Variants in CEP83 observed in about 807,000 individuals in gnomAD.
CEP83 encodes the protein centrosomal protein 83, also known as centrosomal protein of 83 kDa.
Under a neutral mutation model 101.9 loss-of-function variants are expected in CEP83, and 70 were observed. That is an observed-to-expected ratio of 0.69 (90% CI 0.57 to 0.84). The LOEUF (loss-of-function observed/expected upper bound fraction) is 0.84. Ranked by LOEUF, CEP83 falls within the 40% of genes least tolerant of loss-of-function variation. The pLI is 0.00. For synonymous variants in CEP83, 264 were observed against 267.9 expected, an observed-to-expected ratio of 0.99 and a Z score of 0.14; for missense variants, 715 against 787.2, an observed-to-expected ratio of 0.91 and a Z score of 1.10.
At chr12:94,451,598 A>G (rs1271793931) in intron 1 of CEP83, among the ~76,000 whole-genome samples, 2 of 152,250 alleles carry the variant, frequency 1.3e-5, no homozygotes, top group East Asian at 1.9e-4. Context: ...TAAAATTACA[A>G]TGGGATACTA....
the CEP83 span, among the ~76,000 whole-genome samples, chr12:94,272,801 C>T: frequency 1.3e-5 from 2 of 152,178 alleles, no homozygotes; most frequent in African/African-American, 2.4e-5. Flanking sequence ...TGGGTGGCAC[C>T]GGAGGCACAG....
In CEP83 at chr12:94,308,402, G is replaced by A. The variant is rs1969301533; in HGVS notation, c.*411C>T. 6.6e-6 allele frequency: 1 copy of A among 152,466 alleles called. No individual in the cohort carries two copies. The allele number at this position is 152,466 out of a possible 1,614,324, so 9.4% of individuals were successfully genotyped here. A position where few individuals can be genotyped will look rare whatever the true frequency, so the allele number is the denominator to read the frequency against. On this transcript the variant is annotated 3_prime_UTR_variant, in exon 17 of 17. Transcript: ENST00000397809. ...AAATTGTCATCTTTTTTCAACTACA[G>A]TTTTTGTATATAGTAAACCAGAAGA...
chr12:94,279,400 T>C, the CEP83 span: 1 of 1,370,672 alleles, frequency 7.3e-7, no homozygotes, highest in Non-Finnish European at 1.0e-6. Flanking sequence ...TGCTAAGGTT[T>C]GTGTCTTTTA....
In CEP83 at chr12:94,395,734, T is replaced by C. The variant is rs376310655; in HGVS notation, c.549+5116A>G. On this transcript the variant is annotated intron_variant, in intron 6 of 16. Transcript: ENST00000397809. Reference sequence around the variant, plus strand: ...TACTCGGGAGGCTGAGGCAGGAGAATGGCATGAACCCAGAAGGCAGAGCTT... The same window carrying C: ...TACTCGGGAGGCTGAGGCAGGAGAACGGCATGAACCCAGAAGGCAGAGCTT... 5.3e-5 allele frequency among the ~76,000 whole-genome samples: 8 copies of C among 152,162 alleles called. 1 individual carries two copies. The highest frequency in any genetic ancestry group is 1.9e-4 in the East Asian group (1 of 5,172).
chr12:94,376,730 CACATATAT>C (rs1253005152), intron 7 of CEP83, among the ~76,000 whole-genome samples: 244 of 106,826 alleles, frequency 2.3e-3, no homozygotes, highest in Middle Eastern at 0.013. Flanking sequence ...CACACACACA[CACATATAT>C]ATATATATAT....
At chr12:94,343,623 G>A (rs1046013183) in intron 11 of CEP83, among the ~76,000 whole-genome samples, 10 of 150,064 alleles carry the variant, frequency 6.7e-5, no homozygotes. Flanking sequence ...CCGAGTAGCT[G>A]GGACTACAGG....
intron 4 of CEP83, among the ~76,000 whole-genome samples, chr12:94,405,556 G>C (rs2063486957): frequency 6.6e-6 from 1 of 152,144 alleles, no homozygotes; most frequent in Non-Finnish European, 1.5e-5. Flanking sequence ...AAGTTAAACT[G>C]AAAGTAAAAA....
chr12:94,302,148 C>T (rs527631254), downstream of CEP83, among the ~76,000 whole-genome samples: 1 of 152,178 alleles, frequency 6.6e-6, no homozygotes, highest in Non-Finnish European at 1.5e-5. Context: ...TTTCCCATTA[C>T]CTACCAGCTA....
intron 2 of CEP83, among the ~76,000 whole-genome samples, chr12:94,419,655 C>A (rs2064563807): frequency 6.6e-6 from 1 of 151,960 alleles, no homozygotes; most frequent in Admixed American, 6.6e-5. Flanking sequence ...TAATTATAGA[C>A]AAAGAGACCA....
At chr12:94,274,550 C>T in the CEP83 span, among the ~76,000 whole-genome samples, 1 of 152,334 alleles carries the variant, frequency 6.6e-6, no homozygotes, top group Middle Eastern at 3.4e-3. Flanking sequence ...TGACACTTTC[C>T]TGCCAAGGAA....
At chr12:94,336,608 A>G (rs566056676) in intron 11 of CEP83, among the ~76,000 whole-genome samples, 1 of 152,352 alleles carries the variant, frequency 6.6e-6, no homozygotes, top group South Asian at 2.1e-4. Context: ...ATTGGATAAT[A>G]TAACATAAAA....
chr12:94,362,357 C>T (rs571056918), intron 11 of CEP83, among the ~76,000 whole-genome samples: 2 of 152,266 alleles, frequency 1.3e-5, no homozygotes, highest in African/African-American at 2.4e-5. Flanking sequence ...CGGTGGCTCA[C>T]GCTTATAATC....
At chr12:94,302,335 T>C (rs1279693170), downstream of CEP83, among the ~76,000 whole-genome samples, 1 of 152,212 alleles carries the variant, frequency 6.6e-6, no homozygotes, top group African/African-American at 2.4e-5. Context: ...ACAGTCCCTC[T>C]GTCTAGTAAA....
rs555766778 is a variant in CEP83, at chr12:94,357,915, A to G, written c.1343+9879T>C. ...TGGGAAAAAGTGAAATTAAACGAACAGGAGGATTTGGAAGCACAAATAAAC... is the reference window on the plus strand; with the variant it reads ...TGGGAAAAAGTGAAATTAAACGAACGGGAGGATTTGGAAGCACAAATAAAC... On this transcript the variant is annotated intron_variant, in intron 11 of 16. Coordinates refer to ENST00000397809, the MANE Select transcript of CEP83 (RefSeq NM_016122.3). Among the ~76,000 whole-genome samples the G allele has an allele frequency of 2.0e-5, 3 of 152,372 alleles. No homozygotes were observed. In the East Asian group the frequency reaches 5.8e-4, roughly 29 times the overall value.
intron 6 of CEP83, among the ~76,000 whole-genome samples, chr12:94,399,101 C>G (rs775971912): frequency 5.9e-5 from 9 of 152,172 alleles, no homozygotes; most frequent in Admixed American, 1.3e-4. Flanking sequence ...CTGCCCTTTG[C>G]CTTTTGATCT....
the CEP83 span, among the ~76,000 whole-genome samples, chr12:94,289,841 CA>C: frequency 1.3e-5 from 2 of 152,186 alleles, no homozygotes; most frequent in Non-Finnish European, 2.9e-5. Flanking sequence ...TGCACTCACA[CA>C]TACGCGCTCA....
chr12:94,343,036 G>A (rs552682471), intron 11 of CEP83, among the ~76,000 whole-genome samples: 10 of 151,650 alleles, frequency 6.6e-5, no homozygotes, highest in Admixed American at 1.3e-4. Context: ...CCTAAACATC[G>A]CAGTTAACAA....
At position 94,409,771 on chromosome 12, in the gene CEP83, T is replaced by C. The variant is rs143008381; in HGVS notation, c.324+1926A>G. ...GGAAGAAACTTTCCTTGCCTCTTTC[T>C]AGCTTCTGGAGCACTTAAATCTCTG... is the stretch of plus-strand genomic sequence containing the variant. On this transcript the variant is annotated intron_variant, in intron 4 of 16. Transcript: ENST00000397809. Among the ~76,000 whole-genome samples the C allele has an allele frequency of 4.5e-4, 69 of 152,300 alleles. 1 individual carries two copies. The South Asian group carries it at 0.01, about 22-fold the overall frequency.
chr12:94,455,530 G>A (rs2067603295), intron 1 of CEP83, among the ~76,000 whole-genome samples: 1 of 152,196 alleles, frequency 6.6e-6, no homozygotes, highest in Non-Finnish European at 1.5e-5. Context: ...TTTGTTATAA[G>A]CATTAGATAC....
Sources: gnomAD v4.1 joint callset for allele counts (sites outside exome capture counted in the v4.1 genomes callset) on GRCh38, gnomAD v4.1.1 for gene constraint, MANE v1.5 for transcripts, NCBI Gene and HGNC (gene_info 2026-07-23, HGNC 2026-07-21) for gene names.